The following IRGM variants were observed in gnomAD, a reference collection of about 807,000 sequenced individuals.
IRGM encodes immunity related GTPase M, also known as immunity-related GTPase family M protein.
For synonymous variants in IRGM, 98 were observed against 80.6 expected (o/e 1.22, Z -1.16); for missense variants, 288 against 219.9 (o/e 1.31, Z -1.96).
In IRGM at chr5:150,867,722, C is replaced by T. The variant is rs180806334; in HGVS notation, c.159-10258C>T. On this transcript the variant is annotated intron_variant and NMD_transcript_variant, in intron 1 of 3. Coordinates refer to the IRGM transcript ENST00000520549. Reference sequence around the variant, plus strand: ...CATTGTGGTTTTGATTTGCATTTCCCGATAATTAGTGATGTTGAGCATTTT... The same window carrying T: ...CATTGTGGTTTTGATTTGCATTTCCTGATAATTAGTGATGTTGAGCATTTT... Among the ~76,000 whole-genome samples, 474 of 151,732 alleles carry T rather than the reference C, an allele frequency of 3.1e-3. 2 individuals carry two copies. Among genetic ancestry groups the T allele is most frequent in the African/African-American group, 0.011 (448 of 41,418 alleles).
intron 3 of IRGM, among the ~76,000 whole-genome samples, chr5:150,884,301 T>A (rs768292145): frequency 6.6e-6 from 1 of 152,134 alleles, no homozygotes; most frequent in Non-Finnish European, 1.5e-5. Flanking sequence ...GTACCACATT[T>A]TCTTTATCCA....
intron 3 of IRGM, among the ~76,000 whole-genome samples, chr5:150,884,546 A>T (rs1312852371): frequency 6.6e-6 from 1 of 152,144 alleles, no homozygotes; most frequent in African/African-American, 2.4e-5. Flanking sequence ...AACCGTGTAT[A>T]AATGTTCTTT....
chr5:150,852,034 T>C (rs139237508), downstream of IRGM, among the ~76,000 whole-genome samples: 1 of 152,292 alleles, frequency 6.6e-6, no homozygotes, highest in Non-Finnish European at 1.5e-5. Flanking sequence ...ATATATGTTT[T>C]TGGAAGTACA....
intron 1 of IRGM, among the ~76,000 whole-genome samples, chr5:150,871,777 G>T (rs1372255460): frequency 6.6e-6 from 1 of 152,182 alleles, no homozygotes; most frequent in African/African-American, 2.4e-5. Context: ...AGAAATGTCT[G>T]TTTCAAACAA....
intron 3 of IRGM, among the ~76,000 whole-genome samples, chr5:150,900,235 A>G (rs1301555559): frequency 6.6e-6 from 1 of 152,096 alleles, no homozygotes; most frequent in Non-Finnish European, 1.5e-5. Context: ...TACTGTAAAC[A>G]TCATGATCTT....
intron 1 of IRGM, among the ~76,000 whole-genome samples, chr5:150,875,160 T>C (rs1754345954): frequency 6.6e-6 from 1 of 152,212 alleles, no homozygotes; most frequent in African/African-American, 2.4e-5. Context: ...TGGGGAGTTC[T>C]TTATGATCAG....
In IRGM at chr5:150,866,466, A is replaced by T. The variant is rs555888460; in HGVS notation, c.159-11514A>T. On this transcript the variant is annotated intron_variant and NMD_transcript_variant, in intron 1 of 3. Transcript: ENST00000520549. ...TCACCCACTGCTTGACTTGGAAACCAATGCAGTGACAGATGCCATTATGGA... is the reference window on the plus strand; with the variant it reads ...TCACCCACTGCTTGACTTGGAAACCTATGCAGTGACAGATGCCATTATGGA... Among the ~76,000 whole-genome samples the T allele has an allele frequency of 2.0e-4, 30 of 152,330 alleles. 1 individual carries two copies. Among genetic ancestry groups the T allele is most frequent in the East Asian group, 5.8e-4 (3 of 5,186 alleles).
chr5:150,896,002 C>T (rs779596151), intron 3 of IRGM: 24 of 1,613,360 alleles, frequency 1.5e-5, no homozygotes, highest in South Asian at 5.5e-5. Flanking sequence ...TTCCCACATT[C>T]GGTACACTCA....
intron 1 of IRGM, among the ~76,000 whole-genome samples, chr5:150,871,805 G>A (rs1227122280): frequency 2.6e-5 from 4 of 152,184 alleles, no homozygotes; most frequent in Non-Finnish European, 1.5e-5. Context: ...AAAGTGTACT[G>A]TAAAAACATC....
At chr5:150,858,568 T>C (rs1754091200) in intron 1 of IRGM, among the ~76,000 whole-genome samples, 2 of 152,178 alleles carry the variant, frequency 1.3e-5, no homozygotes, top group Non-Finnish European at 2.9e-5. Flanking sequence ...GCATGGAATG[T>C]TCTTCCATTT....
At chr5:150,882,096 C>T (rs1245041428) in intron 3 of IRGM, among the ~76,000 whole-genome samples, 1 of 151,906 alleles carries the variant, frequency 6.6e-6, no homozygotes, top group Non-Finnish European at 1.5e-5. Flanking sequence ...GTGGGAGACT[C>T]ACCTGAGTCT....
intron 1 of IRGM, among the ~76,000 whole-genome samples, chr5:150,865,779 C>T (rs564033899): frequency 3.3e-5 from 5 of 151,482 alleles, no homozygotes; most frequent in African/African-American, 9.7e-5. Context: ...TTTTTTGAGA[C>T]GGAGTCTTAC....
intron 3 of IRGM, chr5:150,894,746 G>A (rs1336924854): frequency 6.6e-6 from 1 of 152,298 alleles, no homozygotes; most frequent in East Asian, 1.9e-4. Context: ...GTGAGGCACT[G>A]AGCCAGGATT....
rs550487604 is a variant in IRGM, at chr5:150,860,618, AG to A, written c.158+11966del. On this transcript the variant is annotated intron_variant and NMD_transcript_variant, in intron 1 of 3. Coordinates refer to the IRGM transcript ENST00000520549. ...GAGTTAATAATTATGCAGGCACCAC[AG>A]GAACAAGGTCCAAGATGGACAGACT... Among the ~76,000 whole-genome samples, 597 of 152,350 alleles carry A rather than the reference AG, an allele frequency of 3.9e-3. 8 individuals carry two copies. Among genetic ancestry groups the A allele is most frequent in the African/African-American group, 0.014 (565 of 41,584 alleles).
intron 3 of IRGM, among the ~76,000 whole-genome samples, chr5:150,891,482 G>A (rs190962802): frequency 2.0e-5 from 3 of 151,824 alleles, no homozygotes; most frequent in South Asian, 2.1e-4. Flanking sequence ...TCTGTTTTTT[G>A]TTCTTTTTCT....
chr5:150,897,120 T>C, intron 3 of IRGM: 2 of 590,880 alleles, frequency 3.4e-6, no homozygotes, highest in Admixed American at 3.2e-5. Flanking sequence ...GTACAGCATA[T>C]AGTGTTATCA....
At chr5:150,887,646 C>T in intron 3 of IRGM, among the ~76,000 whole-genome samples, 1 of 124,674 alleles carries the variant, frequency 8.0e-6, no homozygotes, top group African/African-American at 3.0e-5. Context: ...TCAGGTTTTT[C>T]AAGGTCAAAA....
intron 3 of IRGM, chr5:150,898,422 C>A (rs1241809508): frequency 6.2e-7 from 1 of 1,613,424 alleles, no homozygotes. Flanking sequence ...GGGAAGCCAT[C>A]CTTACCCATT....
chr5:150,889,097 A>ATCTT (rs1224754442), intron 3 of IRGM, among the ~76,000 whole-genome samples: 2 of 151,824 alleles, frequency 1.3e-5, no homozygotes, highest in African/African-American at 4.8e-5. Flanking sequence ...GTATCCTAAG[A>ATCTT]TCTTACTAAT....
Sources: allele counts gnomAD v4.1 joint callset (sites outside exome capture counted in the v4.1 genomes callset), GRCh38; gene constraint gnomAD v4.1.1; transcripts MANE v1.5; gene names NCBI Gene and HGNC (gene_info 2026-07-23, HGNC 2026-07-21).